TMEM126B: variants seen among roughly 807,000 people sequenced by gnomAD.
The protein encoded by TMEM126B is transmembrane protein 126B.
TMEM126B carries 19 observed loss-of-function variants against 16.5 expected under a neutral mutation model. That is an observed-to-expected ratio of 1.15 (90% confidence interval 0.80 to 1.69). The LOEUF is 1.69. Ranked by LOEUF, TMEM126B falls within the 40% of genes most tolerant of loss-of-function variation. The pLI is 0.00. For missense variants in TMEM126B, 293 were observed against 278.7 expected, an observed-to-expected ratio of 1.05 and a Z score of -0.37; for synonymous variants, 104 against 93.2, an observed-to-expected ratio of 1.12 and a Z score of -0.67.
intron 2 of TMEM126B, among the ~76,000 whole-genome samples, chr11:85,633,073 A>G (rs541707133): frequency 3.7e-4 from 56 of 152,190 alleles, no homozygotes; most frequent in African/African-American, 1.0e-3. Flanking sequence ...TGTTCTTGCA[A>G]TAGTTTACTG....
chr11:85,634,054 T>C (rs1447171772), intron 2 of TMEM126B, 32 bp from the exon 3 acceptor site: 1 of 1,498,692 alleles, frequency 6.7e-7, no homozygotes, highest in Admixed American at 1.7e-5. Flanking sequence ...TTCAATGGTA[T>C]AGTGAACTGA....
chr11:85,631,165 A>C (rs1031612273), intron 1 of TMEM126B: 1 of 1,290,506 alleles, frequency 7.7e-7, no homozygotes. Context: ...ACGATTTCCA[A>C]AATGAACTTA....
intron 4 of TMEM126B, 64 bp downstream of exon 4, chr11:85,635,842 G>A: frequency 1.1e-6 from 1 of 884,190 alleles, no homozygotes. Context: ...TTTTTTTTAG[G>A]TTAATAAACT....
rs576403341 is a variant in TMEM126B, at chr11:85,631,481, A to C, written c.82-206A>C. Among the ~76,000 whole-genome samples, 5 of 152,364 alleles carry C rather than the reference A, an allele frequency of 3.3e-5. No individual in the cohort carries two copies. In the East Asian group the frequency reaches 9.6e-4, roughly 29 times the overall value. ...GATGTTTAGCAAGAAAATAAAAAAT[A>C]ATAACAAAAAGCCAATGTCTAACAG... On this transcript the variant is annotated intron_variant, in intron 1 of 4. Coordinates refer to ENST00000358867, the MANE Select transcript of TMEM126B (RefSeq NM_018480.7).
In TMEM126B at chr11:85,634,138, G is replaced by A. The variant is rs535399155; in HGVS notation, c.256G>A (p.Gly86Arg). ...ATTTGGAACAACAGCTGGTTTCTCT[G>A]GAATATTCTCAAACTTCCTGTTCAG... Reference protein sequence around the residue: ...ATFGTTAGFSGIFSNFLFRRC... With the variant: ...ATFGTTAGFSRIFSNFLFRRC... Residue 86 changes from glycine (G) to arginine (R), a missense_variant, in exon 3 of 5, where the codon GGA becomes AGA. Transcript: ENST00000358867. The A allele has an allele frequency of 6.2e-7, 1 of 1,613,650 alleles. No individual in the cohort carries two copies. Among genetic ancestry groups the A allele is most frequent in the African/African-American group, 1.3e-5 (1 of 74,992 alleles).
intron 2 of TMEM126B, 118 bp downstream of exon 2, chr11:85,631,926 G>A: frequency 2.8e-6 from 3 of 1,069,426 alleles, no homozygotes; most frequent in Non-Finnish European, 3.8e-6. Context: ...CCTATTCTTT[G>A]AGTTGGCTAT....
chr11:85,628,715 G>A (rs1232179593), intron 1 of TMEM126B, 27 bp downstream of exon 1: 12 of 1,524,594 alleles, frequency 7.9e-6, no homozygotes. Flanking sequence ...AGTGGTATGG[G>A]GGGTGATTTC....
intron 1 of TMEM126B, among the ~76,000 whole-genome samples, chr11:85,628,950 G>A (rs545467885): frequency 4.6e-5 from 7 of 152,264 alleles, no homozygotes; most frequent in Middle Eastern, 3.4e-3. Flanking sequence ...TCAACTTGGA[G>A]TATTTCCCTG....
chr11:85,633,974 G>A, intron 2 of TMEM126B, 112 bp from the exon 3 acceptor site: 3 of 713,210 alleles, frequency 4.2e-6, no homozygotes, highest in South Asian at 3.6e-5. Flanking sequence ...TTCACATATA[G>A]TAAGTGCTCA....
At chr11:85,628,933 T>G (rs1420017768) in intron 1 of TMEM126B, among the ~76,000 whole-genome samples, 1 of 152,194 alleles carries the variant, frequency 6.6e-6, no homozygotes, top group Non-Finnish European at 1.5e-5. Flanking sequence ...TTGCACAGGC[T>G]TTTTCTTCAA....
chr11:85,628,856 G>A (rs562841161), intron 1 of TMEM126B, among the ~76,000 whole-genome samples, 168 bp downstream of exon 1: 22 of 152,356 alleles, frequency 1.4e-4, no homozygotes, highest in African/African-American at 5.1e-4. Flanking sequence ...AAGAGGCGGA[G>A]AGAACGTAGA....
At chr11:85,631,833 A>G (rs530536615) in intron 2 of TMEM126B, 25 bp downstream of exon 2, 1 of 1,578,900 alleles carries the variant, frequency 6.3e-7, no homozygotes, top group African/African-American at 1.5e-5. Context: ...CAGGCTGAAA[A>G]TCAGTCATTT....
intron 1 of TMEM126B, 37 bp from the exon 2 acceptor site, chr11:85,631,650 T>G: frequency 6.3e-7 from 1 of 1,582,046 alleles, no homozygotes; most frequent in Non-Finnish European, 8.5e-7. Flanking sequence ...AATATGAATA[T>G]CATTAGCTAT....
At chr11:85,631,577 G>A in intron 1 of TMEM126B, 110 bp from the exon 2 acceptor site, 1 of 1,232,038 alleles carries the variant, frequency 8.1e-7, no homozygotes, top group Non-Finnish European at 1.1e-6. Context: ...ACAGTACCTG[G>A]CACACTACTA....
intron 2 of TMEM126B, among the ~76,000 whole-genome samples, chr11:85,632,719 C>G (rs2082325209): frequency 6.6e-6 from 1 of 152,036 alleles, no homozygotes; most frequent in South Asian, 2.1e-4. Context: ...CAAATTTATA[C>G]AGTTATGTAA....
Position 85,636,456 on chromosome 11 carries a change from C to T in TMEM126B, c.*227C>T, listed in dbSNP as rs907763171. On this transcript the variant is annotated 3_prime_UTR_variant, in exon 5 of 5. Coordinates refer to ENST00000358867, the MANE Select transcript of TMEM126B (RefSeq NM_018480.7). ...TCTCCTGATGGTGTGTCCATTTTGC[C>T]TGGTATATAACAGATAATAAATATC... 3 of 299,744 alleles carry T rather than the reference C, an allele frequency of 1.0e-5. No homozygotes were observed. The highest frequency in any genetic ancestry group is 6.4e-5 in the African/African-American group (3 of 46,738). The allele number at this position is 299,744 out of a possible 1,614,324, so 18.6% of individuals were successfully genotyped here.
Position 85,631,915 on chromosome 11 carries a change from T to C in TMEM126B, c.203+107T>C, listed in dbSNP as rs10501595. On this transcript the variant is annotated intron_variant, in intron 2 of 4. Coordinates refer to ENST00000358867, the MANE Select transcript of TMEM126B (RefSeq NM_018480.7). The stretch of plus-strand genomic sequence containing the variant: ...TTCTTACCTTTTCTGTTATCTAAGA[T>C]CCTATTCTTTGAGTTGGCTATGAAG... 0.11 allele frequency: 138,534 copies of C among 1,207,450 alleles called. 9,997 individuals are homozygous for C. The highest frequency in any genetic ancestry group is 0.28 in the East Asian group (10,235 of 36,412). The allele number at this position is 1,207,450 out of a possible 1,614,324, so 74.8% of individuals were successfully genotyped here.
intron 2 of TMEM126B, among the ~76,000 whole-genome samples, chr11:85,632,727 T>C (rs186574452): frequency 2.0e-5 from 3 of 152,292 alleles, no homozygotes; most frequent in Non-Finnish European, 2.9e-5. Flanking sequence ...TACAGTTATG[T>C]AACCATCACC....
intron 3 of TMEM126B, 57 bp from the exon 4 acceptor site, chr11:85,635,610 A>C: frequency 8.3e-7 from 1 of 1,199,044 alleles, no homozygotes; most frequent in South Asian, 1.3e-5. Context: ...GAGGTACAAC[A>C]CTGTCTTAAT....
Sources: allele counts gnomAD v4.1 joint callset (sites outside exome capture counted in the v4.1 genomes callset), GRCh38; gene constraint gnomAD v4.1.1; transcripts MANE v1.5; gene names NCBI Gene and HGNC (gene_info 2026-07-23, HGNC 2026-07-21).